The following RAPGEF2 variants were observed in gnomAD, a reference collection of about 807,000 sequenced individuals.
The protein encoded by RAPGEF2 is PDZ domain containing guanine nucleotide exchange factor (GEF) 1.
In RAPGEF2, 54 loss-of-function variants were observed where a neutral mutation model predicts 186.7. The observed-to-expected ratio is 0.29, with a 90% CI of 0.23 to 0.36. The LOEUF is 0.36. RAPGEF2 is among the 10% of genes least tolerant of loss of function. RAPGEF2 has a pLI of 1.00. For synonymous variants in RAPGEF2, 712 were observed against 705.9 expected (o/e 1.01, Z -0.14); for missense variants, 1,532 against 2,045.0 (o/e 0.75, Z 4.84).
intron 1 of RAPGEF2, among the ~76,000 whole-genome samples, chr4:159,123,176 G>A (rs149930642): frequency 3.3e-5 from 5 of 152,316 alleles, no homozygotes; most frequent in African/African-American, 1.2e-4. Flanking sequence ...GGAGTCAAAA[G>A]TTAATGCAGA....
chr4:159,115,070 C>A (rs1479056200), intron 1 of RAPGEF2, among the ~76,000 whole-genome samples: 1 of 152,072 alleles, frequency 6.6e-6, no homozygotes, highest in African/African-American at 2.4e-5. Context: ...TGTATCTATG[C>A]CTTTACATTT....
intron 26 of RAPGEF2, chr4:159,351,062 G>A (rs1731102453): frequency 1.3e-6 from 2 of 1,531,788 alleles, no homozygotes; most frequent in Non-Finnish European, 1.7e-6. Context: ...TTGTTAGGTG[G>A]CAGTGGCAAT....
At chr4:159,319,237 G>A (rs1764956758) in intron 9 of RAPGEF2, among the ~76,000 whole-genome samples, 1 of 152,192 alleles carries the variant, frequency 6.6e-6, no homozygotes, top group Admixed American at 6.5e-5. Flanking sequence ...GGAGGCGAGT[G>A]AAAGGTGAGG....
chr4:159,245,921 C>G (rs1204905590), intron 7 of RAPGEF2, among the ~76,000 whole-genome samples: 1 of 152,102 alleles, frequency 6.6e-6, no homozygotes, highest in Non-Finnish European at 1.5e-5. Context: ...AGGCTGGTGG[C>G]AATGTTAAAA....
chr4:159,267,367 A>T, intron 7 of RAPGEF2: 1 of 1,266,702 alleles, frequency 7.9e-7, no homozygotes, highest in South Asian at 1.2e-5. Context: ...GATTTTTGAG[A>T]TTGTGTGTGT....
At chr4:159,203,687 C>T (rs1014989182) in intron 3 of RAPGEF2, among the ~76,000 whole-genome samples, 3 of 152,052 alleles carry the variant, frequency 2.0e-5, no homozygotes, top group African/African-American at 7.3e-5. Flanking sequence ...AAGTTTGCAG[C>T]ATAAGGAATG....
intron 1 of RAPGEF2, among the ~76,000 whole-genome samples, chr4:159,121,801 C>T (rs187220435): frequency 5.3e-5 from 8 of 150,968 alleles, no homozygotes; most frequent in Non-Finnish European, 8.9e-5. Context: ...GAGGCCGAGG[C>T]GGGCGGATCA....
chr4:159,275,664 CT>C (rs1256695558), intron 7 of RAPGEF2, among the ~76,000 whole-genome samples: 1 of 151,888 alleles, frequency 6.6e-6, no homozygotes, highest in Non-Finnish European at 1.5e-5. Context: ...GTTTTATTTT[CT>C]TACTCTTCTA....
intron 5 of RAPGEF2, among the ~76,000 whole-genome samples, chr4:159,240,331 C>CTTTTTT (rs370477370): frequency 0.25 from 19,253 of 77,254 alleles, 2,321 homozygotes; most frequent in African/African-American, 0.36. Flanking sequence ...AGCATTTCTA[C>CTTTTTT]TTTTTTTTTT....
At chr4:159,279,487 AG>A (rs972636304) in intron 7 of RAPGEF2, among the ~76,000 whole-genome samples, 4 of 152,180 alleles carry the variant, frequency 2.6e-5, no homozygotes, top group Non-Finnish European at 4.4e-5. Context: ...TAAGTTTCAA[AG>A]GGCTTTCATA....
At chr4:159,118,892 A>C (rs1336101028) in intron 1 of RAPGEF2, among the ~76,000 whole-genome samples, 13 of 152,140 alleles carry the variant, frequency 8.5e-5, no homozygotes, top group Admixed American at 5.9e-4. Context: ...GCCCTATTAA[A>C]GTTCTTAACA....
At chr4:159,179,506 T>C (rs989963382) in intron 1 of RAPGEF2, among the ~76,000 whole-genome samples, 2 of 152,242 alleles carry the variant, frequency 1.3e-5, no homozygotes, top group African/African-American at 2.4e-5. Flanking sequence ...TCTGTGATGC[T>C]ACATATTTAG....
intron 9 of RAPGEF2, among the ~76,000 whole-genome samples, chr4:159,318,897 G>C (rs977653491): frequency 6.6e-6 from 1 of 152,116 alleles, no homozygotes; most frequent in African/African-American, 2.4e-5. Context: ...TAAATAAAAT[G>C]TTTTTAAAGC....
chr4:159,273,570 A>T (rs1579708177), intron 7 of RAPGEF2, among the ~76,000 whole-genome samples: 1 of 152,204 alleles, frequency 6.6e-6, no homozygotes, highest in Non-Finnish European at 1.5e-5. Context: ...AAAATGTGTC[A>T]TTAGGAATTC....
chr4:159,247,415 A>G (rs541481107), intron 7 of RAPGEF2, among the ~76,000 whole-genome samples: 4 of 152,346 alleles, frequency 2.6e-5, no homozygotes, highest in East Asian at 3.9e-4. Context: ...GCTCAAAGAA[A>G]GATATTTTGT....
chr4:159,160,744 T>G (rs1744624165), intron 1 of RAPGEF2, among the ~76,000 whole-genome samples: 1 of 152,236 alleles, frequency 6.6e-6, no homozygotes, highest in South Asian at 2.1e-4. Flanking sequence ...TTGATTTAAG[T>G]GAATTTGTAG....
intron 7 of RAPGEF2, among the ~76,000 whole-genome samples, chr4:159,281,182 G>A (rs1759652754): frequency 1.3e-5 from 2 of 151,694 alleles, no homozygotes; most frequent in Non-Finnish European, 2.9e-5. Context: ...AGTAGAGATG[G>A]GGTTTCACCA....
At chr4:159,251,116 C>T (rs544406095) in intron 7 of RAPGEF2, among the ~76,000 whole-genome samples, 20 of 152,308 alleles carry the variant, frequency 1.3e-4, no homozygotes, top group African/African-American at 3.8e-4. Context: ...CCAGCTGGCC[C>T]GCCTGCCTGC....
At chr4:159,147,137 T>C (rs2111179932) in intron 1 of RAPGEF2, among the ~76,000 whole-genome samples, 1 of 152,340 alleles carries the variant, frequency 6.6e-6, no homozygotes, top group East Asian at 1.9e-4. Context: ...TTAACCAGTC[T>C]TTTCTTTTTA....
Sources: allele counts gnomAD v4.1 joint callset (sites outside exome capture counted in the v4.1 genomes callset), GRCh38; gene constraint gnomAD v4.1.1; transcripts MANE v1.5; gene names NCBI Gene and HGNC (gene_info 2026-07-23, HGNC 2026-07-21).